The following EEF2 variants were observed in gnomAD, a reference collection of about 807,000 sequenced individuals.
The protein encoded by EEF2 is elongation factor 2.
EEF2 carries 21 observed loss-of-function variants against 85.3 expected under a neutral mutation model. The observed-to-expected ratio is 0.25, with a 90% CI of 0.17 to 0.35. The LOEUF (loss-of-function observed/expected upper bound fraction) is 0.35, where lower values mean the gene tolerates loss of function less well. EEF2 is among the 10% of genes least tolerant of loss of function. The pLI is 1.00. For missense variants in EEF2, 825 were observed against 1,225.3 expected (o/e 0.67, Z 4.88); for synonymous variants, 723 against 508.8 (o/e 1.42, Z -5.67).
chr19:3,983,939 T>C (rs1192262192), intron 2 of EEF2, 197 bp downstream of exon 2: 3 of 623,304 alleles, frequency 4.8e-6, no homozygotes, highest in African/African-American at 1.8e-5. Context: ...CAAGAAAACC[T>C]TCCAGCTCGC....
At position 3,981,463 on chromosome 19, in the gene EEF2, C is replaced by A; in HGVS notation, c.898-11G>T. The A allele has an allele frequency of 6.2e-7, 1 of 1,611,048 alleles. No homozygotes were observed. Among genetic ancestry groups the A allele is most frequent in the Non-Finnish European group, 8.5e-7 (1 of 1,178,080 alleles). On this transcript the variant is annotated splice_polypyrimidine_tract_variant and intron_variant, in intron 6 of 14. Transcript: ENST00000309311. ...GATCGCATCAAACACCTACATTCCC[C>A]ACCAAGAAACAAGAAAGCCCATTTG...
chr19:3,980,496 C>T lies in EEF2; in HGVS notation c.1346+18G>A. 2 of 1,605,832 alleles carry T rather than the reference C, an allele frequency of 1.2e-6. No individual in the cohort carries two copies. The highest frequency in any genetic ancestry group is 8.5e-7 in the Non-Finnish European group (1 of 1,174,866). On this transcript the variant is annotated intron_variant, in intron 9 of 14. Transcript: ENST00000309311. ...CCGCAACAGTGCCAAGGGGCCTGCA[C>T]ATCACCCAGCTGCTCACCTCTGGAT...
In EEF2 at chr19:3,983,299, A is replaced by G. The variant is rs765060553; in HGVS notation, c.219-8T>C. On this transcript the variant is annotated splice_polypyrimidine_tract_variant and splice_region_variant and intron_variant, in intron 2 of 14. Transcript: ENST00000309311. Reference sequence around the variant, plus strand: ...TAGAAGAGGGAGATGGCACTGATGGAGGGAGGGACTCGTCAGGGGGACAGG... The same window carrying G: ...TAGAAGAGGGAGATGGCACTGATGGGGGGAGGGACTCGTCAGGGGGACAGG... 1.2e-6 allele frequency: 2 copies of G among 1,611,788 alleles called. No individual in the cohort carries two copies. Among genetic ancestry groups the G allele is most frequent in the South Asian group, 2.2e-5 (2 of 90,898 alleles).
intron 6 of EEF2, 73 bp downstream of exon 6, chr19:3,981,874 C>T (rs1038574528): frequency 2.1e-6 from 3 of 1,419,942 alleles, no homozygotes; most frequent in Admixed American, 1.8e-5. Flanking sequence ...AGCCGACAGG[C>T]TACCGGCCGG....
intron 2 of EEF2, 66 bp from the exon 3 acceptor site, chr19:3,983,357 C>A: frequency 6.6e-7 from 1 of 1,524,304 alleles, no homozygotes. Context: ...GTCTGGGATG[C>A]TGTCAGAAGC....
chr19:3,980,979 C>A lies in EEF2; in HGVS notation c.1012G>T (p.Ala338Ser). The A allele has an allele frequency of 6.4e-7, 1 of 1,569,926 alleles. No homozygotes were observed. Among genetic ancestry groups the A allele is most frequent in the East Asian group, 2.3e-5 (1 of 42,782 alleles). The change falls in exon 8 of 15, where the codon GCT becomes TCT. Residue 338 changes from alanine (A) to serine (S), a missense_variant and splice_region_variant. By Grantham distance (99) the Ala-to-Ser change is moderately conservative. Coordinates refer to ENST00000309311, the MANE Select transcript of EEF2 (RefSeq NM_001961.4). ...GCAGGCAGCCAGCGGCGCATCACAG[C>A]CTGCGGGGGCAGAGAGCGGTGCATG... ...KDKEGKPLLK[A>S]VMRRWLPAGD... is the part of the protein sequence containing the mutation.
intron 4 of EEF2, 157 bp downstream of exon 4, chr19:3,982,649 TG>T: frequency 9.0e-7 from 1 of 1,112,280 alleles, no homozygotes; most frequent in Non-Finnish European, 1.3e-6. Flanking sequence ...GATCAAGGGC[TG>T]GGTCAAGTCG....
At chr19:3,977,000 C>T (rs1481741033) in intron 14 of EEF2, among the ~76,000 whole-genome samples, 1 of 152,226 alleles carries the variant, frequency 6.6e-6, no homozygotes, top group African/African-American at 2.4e-5. Context: ...GAGCTCCAGG[C>T]CCAGAGCCCT....
chr19:3,980,817 G>C (rs776413831), intron 8 of EEF2, 24 bp downstream of exon 8: 1 of 1,578,874 alleles, frequency 6.3e-7, no homozygotes, highest in Non-Finnish European at 8.6e-7. Flanking sequence ...TGCATCTCAG[G>C]GCCCGGCCAC....
In EEF2 at chr19:3,977,652, T is replaced by G. The variant is rs201755057; in HGVS notation, c.2068-42A>C. 393 of 1,480,012 alleles carry G rather than the reference T, an allele frequency of 2.7e-4. No homozygotes were observed. The African/African-American group carries it at 5.1e-3, about 19-fold the overall frequency. The allele number at this position is 1,480,012 out of a possible 1,614,324, so 91.7% of individuals were successfully genotyped here. A position where few individuals can be genotyped will look rare whatever the true frequency, so the allele number is the denominator to read the frequency against. ...GCCACCGTCAAGGGCCGGACACACC[T>G]CGGCTGCTTGCCCTCCACCTGCCAA... On this transcript the variant is annotated intron_variant, in intron 12 of 14. Transcript: ENST00000309311. The surrounding 1 kb of genome is among the most constrained non-coding windows in gnomAD (Gnocchi z 5.4).
In EEF2 at chr19:3,977,763, G is replaced by A. The variant is rs1242272185; in HGVS notation, c.2067+56C>T. On this transcript the variant is annotated intron_variant, in intron 12 of 14. Coordinates refer to ENST00000309311, the MANE Select transcript of EEF2 (RefSeq NM_001961.4). This position sits in a 1 kb window ranked among gnomAD's most constrained non-coding sequence, Gnocchi z 5.4. ...TCTGTCTCGGGAGGCAGGACCATGAGGTCCCTCTAGAGCCTGGAAACGGGT... is the reference window on the plus strand; with the variant it reads ...TCTGTCTCGGGAGGCAGGACCATGAAGTCCCTCTAGAGCCTGGAAACGGGT... 4.0e-6 allele frequency: 6 copies of A among 1,506,568 alleles called. No individual in the cohort carries two copies. The Admixed American group carries it at 8.5e-5, about 21-fold the overall frequency. 93.3% of individuals were successfully genotyped at this position (1,506,568 alleles called of 1,614,324 possible).
In EEF2 at chr19:3,978,067, G is replaced by A. The variant is rs1441576483; in HGVS notation, c.1819C>T (p.Arg607Trp). The A allele has an allele frequency of 2.5e-6, 4 of 1,573,644 alleles. No homozygotes were observed. The highest frequency in any genetic ancestry group is 1.2e-5 in the South Asian group (1 of 86,340). ...TCGGCCAGGCCGTCGGGGAAGGGCCGCGCCTTCATGTACAGCCGGTTGTGC... is the reference window on the plus strand; with the variant it reads ...TCGGCCAGGCCGTCGGGGAAGGGCCACGCCTTCATGTACAGCCGGTTGTGC... ...NKHNRLYMKA[R>W]PFPDGLAEDI... Residue 607 changes from arginine to tryptophan, a missense_variant, in exon 12 of 15, where the codon CGG becomes TGG. By Grantham distance (101) the Arg-to-Trp change is moderately radical (BLOSUM62 -3). Transcript: ENST00000309311.
chr19:3,980,953 G>T lies in EEF2; in HGVS notation c.1038C>A (p.Ala346=). 1 of 1,574,456 alleles carries T rather than the reference G, an allele frequency of 6.4e-7. No individual in the cohort carries two copies. Among genetic ancestry groups the T allele is most frequent in the Non-Finnish European group, 8.6e-7 (1 of 1,161,124 alleles). Reference sequence around the variant, plus strand: ...TGATCATCTGCAACAAGGCGTCTCCGGCAGGCAGCCAGCGGCGCATCACAG... The same window carrying T: ...TGATCATCTGCAACAAGGCGTCTCCTGCAGGCAGCCAGCGGCGCATCACAG... ...LKAVMRRWLP[A]GDALLQMITI... Residue 346 remains alanine, a synonymous_variant, in exon 8 of 15, where the codon GCC becomes GCA. Transcript: ENST00000309311.
rs2039681367 is a variant in EEF2, at chr19:3,976,503, GC to G, written c.*50del. 1 of 1,552,474 alleles carries G rather than the reference GC, an allele frequency of 6.4e-7. No homozygotes were observed. Among genetic ancestry groups the G allele is most frequent in the Non-Finnish European group, 8.7e-7 (1 of 1,148,344 alleles). On this transcript the variant is annotated 3_prime_UTR_variant, in exon 15 of 15. Transcript: ENST00000309311. ...TCGTCTGAGAATTCGAGGACGTGGT[GC>G]TGTGGGTGCTGCGAGTCCCCGGGGC...
chr19:3,980,555 G>T lies in EEF2; in HGVS notation c.1305C>A (p.Thr435=), dbSNP rs935678757. The T allele has an allele frequency of 3.1e-6, 5 of 1,614,076 alleles. No homozygotes were observed. Among genetic ancestry groups the T allele is most frequent in the Non-Finnish European group, 4.2e-6 (5 of 1,180,024 alleles). Residue 435 remains threonine (T), a synonymous_variant, in exon 9 of 15, where the codon ACC becomes ACA. Coordinates refer to ENST00000309311, the MANE Select transcript of EEF2 (RefSeq NM_001961.4). ...LKVRIMGPNY[T]PGKKEDLYLK... ...GGTAGAGGTCCTCCTTCTTCCCAGG[G>T]GTATAGTTGGGCCCCATGATCCTGA...
chr19:3,980,733 A>C, intron 8 of EEF2, 24 bp from the exon 9 acceptor site: 1 of 1,609,368 alleles, frequency 6.2e-7, no homozygotes, highest in Non-Finnish European at 8.5e-7. Context: ...AAAACCCGCA[A>C]GCTTTATTCC....
In EEF2 at chr19:3,977,410, T is replaced by G; in HGVS notation, c.2250+18A>C. On this transcript the variant is annotated intron_variant, in intron 13 of 14. Coordinates refer to ENST00000309311, the MANE Select transcript of EEF2 (RefSeq NM_001961.4). The surrounding 1 kb of genome is among the most constrained non-coding windows in gnomAD (Gnocchi z 5.4). ...GGCAGGACGGTGGCAGGGTCAGCGG[T>G]GGGCGGGTAGACCTCACCTGGATCT... 6.3e-7 allele frequency: 1 copy of G among 1,586,568 alleles called. No homozygotes were observed. Among genetic ancestry groups the G allele is most frequent in the Non-Finnish European group, 8.6e-7 (1 of 1,165,900 alleles).
Position 3,981,966 on chromosome 19 carries a change from A to T in EEF2, c.878T>A (p.Ile293Asn). 1 of 1,614,084 alleles carries T rather than the reference A, an allele frequency of 6.2e-7. No homozygotes were observed. Among genetic ancestry groups the T allele is most frequent in the Non-Finnish European group, 8.5e-7 (1 of 1,179,982 alleles). The change falls in exon 6 of 15, where the codon ATC becomes AAC. Residue 293 changes from isoleucine (I) to asparagine (N), a missense_variant. Physicochemically the swap from Ile to Asn is moderately radical, Grantham distance 149. Coordinates refer to ENST00000309311, the MANE Select transcript of EEF2 (RefSeq NM_001961.4). ...KKLPRTFCQL[I>N]LDPIFKVFDA... ...ACTCACCTTGAAGATGGGGTCCAGG[A>T]TCAGCTGGCAGAAGGTGCGTGGCAG...
At chr19:3,985,214 G>T in intron 1 of EEF2, 164 bp downstream of exon 1, 1 of 713,424 alleles carries the variant, frequency 1.4e-6, no homozygotes, top group Non-Finnish European at 2.0e-6. Context: ...ACAGCGCGGC[G>T]CACAGACATG....
Sources: gnomAD v4.1 joint callset for allele counts (sites outside exome capture counted in the v4.1 genomes callset) on GRCh38, gnomAD v4.1.1 for gene constraint, Gnocchi (gnomAD v3.1) non-coding constraint, MANE v1.5 for transcripts, NCBI Gene and HGNC (gene_info 2026-07-23, HGNC 2026-07-21) for gene names.